Variants in CCDC7 observed in about 807,000 individuals in gnomAD.
CCDC7 encodes the protein coiled-coil domain containing 7, also known as coiled-coil domain-containing protein 7.
Under a neutral mutation model 196.9 loss-of-function variants are expected in CCDC7, and 183 were observed. That is an observed-to-expected ratio of 0.93 (90% confidence interval 0.82 to 1.05). The LOEUF (loss-of-function observed/expected upper bound fraction) is 1.05, where lower values mean the gene tolerates loss of function less well. Among genes scored for constraint, CCDC7 ranks in the 50% least tolerant of loss-of-function variants. CCDC7 has a pLI of 0.00. For synonymous variants in CCDC7, 525 were observed against 484.6 expected, an observed-to-expected ratio of 1.08 and a Z score of -1.10; for missense variants, 1,540 against 1,482.2, an observed-to-expected ratio of 1.04 and a Z score of -0.64.
chr10:32,645,240 G>A (rs1253418065), intron 20 of CCDC7, among the ~76,000 whole-genome samples: 1 of 152,118 alleles, frequency 6.6e-6, no homozygotes, highest in Non-Finnish European at 1.5e-5. Context: ...CTCATACACT[G>A]TTTGTGGGTA....
At position 32,672,244 on chromosome 10, in the gene CCDC7, A is replaced by T. The variant is rs145526103; in HGVS notation, c.2122+8083A>T. ...AAATAGCTGGGCAGCTAAGAATGAG[A>T]ATATTGATATCCACACAGTTTGAGC... On this transcript the variant is annotated intron_variant, in intron 21 of 41. Coordinates refer to ENST00000639629, the Ensembl canonical transcript of CCDC7. Among the ~76,000 whole-genome samples the T allele has an allele frequency of 3.0e-3, 452 of 152,254 alleles. 2 individuals are homozygous for T. The highest frequency in any genetic ancestry group is 0.01 in the African/African-American group (429 of 41,536).
intron 21 of CCDC7, among the ~76,000 whole-genome samples, chr10:32,685,275 T>A (rs780837710): frequency 9.0e-4 from 137 of 152,276 alleles, no homozygotes; most frequent in Non-Finnish European, 1.8e-3. Flanking sequence ...AGAGATTTTT[T>A]AAATTGCTTT....
At chr10:32,704,944 T>A (rs2079440652) in intron 24 of CCDC7, among the ~76,000 whole-genome samples, 1 of 152,176 alleles carries the variant, frequency 6.6e-6, no homozygotes, top group South Asian at 2.1e-4. Flanking sequence ...GGGAATTCCC[T>A]GACCCCTTGC....
intron 20 of CCDC7, among the ~76,000 whole-genome samples, chr10:32,636,605 C>A (rs563487253): frequency 3.5e-4 from 53 of 152,330 alleles, no homozygotes; most frequent in African/African-American, 1.1e-3. Context: ...ATATGTGCCA[C>A]ATTTTCTTAA....
intron 24 of CCDC7, among the ~76,000 whole-genome samples, chr10:32,711,052 A>G (rs2080740395): frequency 6.6e-6 from 1 of 152,118 alleles, no homozygotes; most frequent in African/African-American, 2.4e-5. Flanking sequence ...TAAACCATAT[A>G]TATTCATCCA....
chr10:32,693,102 A>T lies in CCDC7; in HGVS notation c.2345-1777A>T, dbSNP rs145227198. Among the ~76,000 whole-genome samples, 131 of 152,326 alleles carry T rather than the reference A, an allele frequency of 8.6e-4. 1 individual carries two copies. Among genetic ancestry groups the T allele is most frequent in the African/African-American group, 2.9e-3 (119 of 41,584 alleles). Reference sequence around the variant, plus strand: ...TGTCCAATAGTGAGGGTTTATGTCAAATACTATATTGATGAGTTACTGCTT... The same window carrying T: ...TGTCCAATAGTGAGGGTTTATGTCATATACTATATTGATGAGTTACTGCTT... On this transcript the variant is annotated intron_variant, in intron 23 of 41. Transcript: ENST00000639629.
chr10:32,741,268 A>G (rs1394998010), intron 28 of CCDC7, among the ~76,000 whole-genome samples: 2 of 152,234 alleles, frequency 1.3e-5, no homozygotes, highest in African/African-American at 4.8e-5. Context: ...ATCCTTTATT[A>G]AAACTCAATC....
At chr10:32,709,791 A>G (rs1190344290) in intron 24 of CCDC7, among the ~76,000 whole-genome samples, 1 of 152,124 alleles carries the variant, frequency 6.6e-6, no homozygotes, top group Non-Finnish European at 1.5e-5. Context: ...GAGGAGGATT[A>G]ATTTTAATTT....
chr10:32,549,775 C>T (rs566178503), intron 13 of CCDC7, among the ~76,000 whole-genome samples: 1 of 152,024 alleles, frequency 6.6e-6, no homozygotes, highest in Non-Finnish European at 1.5e-5. Flanking sequence ...TGTCAGTGTG[C>T]CTGTTTTTAT....
At chr10:32,805,964 A>G (rs1236068903) in intron 30 of CCDC7, among the ~76,000 whole-genome samples, 2 of 152,194 alleles carry the variant, frequency 1.3e-5, no homozygotes, top group East Asian at 1.9e-4. Flanking sequence ...GGCACATTAC[A>G]TGACAAGAGC....
chr10:32,473,177 T>C (rs969610534), intron 7 of CCDC7, among the ~76,000 whole-genome samples: 9 of 152,158 alleles, frequency 5.9e-5, no homozygotes, highest in African/African-American at 2.2e-4. Flanking sequence ...GTGTCATGCA[T>C]GATAAAGGTA....
intron 13 of CCDC7, among the ~76,000 whole-genome samples, chr10:32,552,868 A>C (rs939557123): frequency 1.4e-4 from 21 of 152,116 alleles, no homozygotes; most frequent in Admixed American, 6.5e-4. Flanking sequence ...CCTTCATCTT[A>C]ACTTTGGATA....
At chr10:32,827,648 G>T (rs1334021911) in intron 32 of CCDC7, among the ~76,000 whole-genome samples, 1 of 151,368 alleles carries the variant, frequency 6.6e-6, no homozygotes, top group Admixed American at 6.6e-5. Context: ...CTGTCTGGGG[G>T]TGGGGGGCTG....
intron 10 of CCDC7, among the ~76,000 whole-genome samples, 195 bp downstream of exon 11, chr10:32,518,170 A>G (rs1244208314): frequency 6.6e-6 from 1 of 152,020 alleles, no homozygotes; most frequent in Non-Finnish European, 1.5e-5. Flanking sequence ...TCACTCAGAA[A>G]CTCTTCACTT....
chr10:32,487,505 C>T (rs916441608), intron 8 of CCDC7, among the ~76,000 whole-genome samples: 1 of 152,226 alleles, frequency 6.6e-6, no homozygotes, highest in Non-Finnish European at 1.5e-5. Context: ...ATTCTCCGTC[C>T]AGCTTTGTTC....
At chr10:32,802,536 A>T (rs952324977) in intron 29 of CCDC7, among the ~76,000 whole-genome samples, 1 of 152,184 alleles carries the variant, frequency 6.6e-6, no homozygotes, top group Non-Finnish European at 1.5e-5. Flanking sequence ...CAAAATCTGT[A>T]TTAGGGTTCT....
intron 28 of CCDC7, among the ~76,000 whole-genome samples, chr10:32,738,734 A>G (rs1293513074): frequency 1.3e-5 from 2 of 152,062 alleles, no homozygotes; most frequent in African/African-American, 4.8e-5. Flanking sequence ...TTAGCCTCCC[A>G]AAATGCTGGG....
chr10:32,763,852 G>C (rs2077841545), intron 28 of CCDC7, among the ~76,000 whole-genome samples: 1 of 151,744 alleles, frequency 6.6e-6, no homozygotes, highest in Non-Finnish European at 1.5e-5. Flanking sequence ...GTTACAAAAG[G>C]GCACAAAATT....
At chr10:32,871,748 ATTTCCCTCTACACACTGC>A (rs2094438792) in intron 41 of CCDC7, among the ~76,000 whole-genome samples, 3 of 152,064 alleles carry the variant, frequency 2.0e-5, no homozygotes, top group Non-Finnish European at 4.4e-5. Flanking sequence ...AGTGCTATAA[ATTTCCCTCTACACACTGC>A]TTTGAATATG....
Sources: gnomAD v4.1 joint callset for allele counts (sites outside exome capture counted in the v4.1 genomes callset) on GRCh38, gnomAD v4.1.1 for gene constraint, MANE v1.5 for transcripts, NCBI Gene and HGNC (gene_info 2026-07-23, HGNC 2026-07-21) for gene names.